The following PCDH11X variants were observed in gnomAD, a reference collection of about 807,000 sequenced individuals.
PCDH11X encodes protocadherin-11 X-linked.
A neutral mutation model predicts 53.3 loss-of-function variants in PCDH11X; 18 were observed. The observed-to-expected ratio is 0.34, with a 90% CI of 0.23 to 0.50. PCDH11X has a LOEUF of 0.50. Ranked by LOEUF, PCDH11X falls within the 20% of genes least tolerant of loss-of-function variation. The probability of loss-of-function intolerance (pLI) is 0.98; values close to 1 mark genes in which losing one functional copy is unlikely to be tolerated. For synonymous variants in PCDH11X, 279 were observed against 393.3 expected, an observed-to-expected ratio of 0.71 and a Z score of 3.44; for missense variants, 570 against 1,032.4, an observed-to-expected ratio of 0.55 and a Z score of 6.14.
At chrX:92,204,420 A>G (rs1445017604) in intron 7 of PCDH11X, among the ~76,000 whole-genome samples, 1 of 112,123 alleles carries the variant, frequency 8.9e-6, no homozygotes, top group Non-Finnish European at 1.9e-5. Flanking sequence ...TCTCTAGGGC[A>G]GGGGCAAAAT....
intron 6 of PCDH11X, among the ~76,000 whole-genome samples, chrX:92,177,409 G>A (rs2065927507): frequency 9.0e-6 from 1 of 111,718 alleles, no homozygotes; most frequent in Admixed American, 9.6e-5. Context: ...AGCAAATAGT[G>A]ATGTATTCTG....
At chrX:91,864,376 TTG>T (rs751742042) in intron 5 of PCDH11X, among the ~76,000 whole-genome samples, 70 of 94,409 alleles carry the variant, frequency 7.4e-4, no homozygotes, top group South Asian at 1.4e-3. Context: ...TGGAGCTCCA[TTG>T]TGTGTGTGTG....
chrX:92,198,821 A>T (rs1409380540), intron 6 of PCDH11X, among the ~76,000 whole-genome samples: 1 of 111,462 alleles, frequency 9.0e-6, no homozygotes, highest in Non-Finnish European at 1.9e-5. Context: ...ACTTCTGTGA[A>T]TTGGAATTTG....
At chrX:92,512,394 C>A (rs1223747679) in intron 10 of PCDH11X, among the ~76,000 whole-genome samples, 7 of 111,377 alleles carry the variant, frequency 6.3e-5, no homozygotes, top group Admixed American at 1.9e-4. Context: ...TATTTGGGGA[C>A]ATAATATAAT....
chrX:92,243,470 T>A (rs1202220342), intron 7 of PCDH11X, among the ~76,000 whole-genome samples: 1 of 111,143 alleles, frequency 9.0e-6, no homozygotes, highest in Non-Finnish European at 1.9e-5. Flanking sequence ...ATGTTTCTAT[T>A]CCCTTGTCAG....
rs1019284113 is a variant in PCDH11X at position 92,394,280 on chromosome X, A to G, written c.3343+6347A>G. On this transcript the variant is annotated intron_variant, in intron 9 of 10. Transcript: ENST00000682573. Reference sequence around the variant, plus strand: ...GTATCTTTAATATCTTAAATATAATATGGATTAGATAGAGGTTGATCACTC... The same window carrying G: ...GTATCTTTAATATCTTAAATATAATGTGGATTAGATAGAGGTTGATCACTC... Among the ~76,000 whole-genome samples the G allele has an allele frequency of 1.3e-4, 14 of 111,193 alleles. No individual in the cohort carries two copies. In the South Asian group the frequency reaches 1.5e-3, roughly 12 times the overall value.
At chrX:92,114,877 G>A (rs2064604474) in intron 6 of PCDH11X, among the ~76,000 whole-genome samples, 1 of 110,096 alleles carries the variant, frequency 9.1e-6, no homozygotes, top group Admixed American at 9.9e-5. Context: ...TGTCGTCCAG[G>A]CTGGAGTGCA....
At position 92,335,350 on chromosome X, in the gene PCDH11X, C is replaced by A. The variant is rs187452150; in HGVS notation, c.3145-52385C>A. On this transcript the variant is annotated intron_variant, in intron 8 of 10. Coordinates refer to ENST00000682573, the MANE Select transcript of PCDH11X (RefSeq NM_032968.5). ...TTGAGATTGCTTTTTTTATTTCATT[C>A]ATGTGTAAGTAGCTTCTAAAGTTTA... Among the ~76,000 whole-genome samples, 287 of 110,385 alleles carry A rather than the reference C, an allele frequency of 2.6e-3. 1 individual carries two copies. The highest frequency in any genetic ancestry group is 9.0e-3 in the African/African-American group (272 of 30,340).
chrX:92,299,627 GT>G (rs1347434350), intron 8 of PCDH11X, among the ~76,000 whole-genome samples: 1 of 111,324 alleles, frequency 9.0e-6, no homozygotes, highest in Non-Finnish European at 1.9e-5. Context: ...GTCTCTGCGG[GT>G]TTTTGTATTT....
intron 7 of PCDH11X, among the ~76,000 whole-genome samples, chrX:92,259,327 C>T (rs2067664378): frequency 1.8e-5 from 2 of 111,343 alleles, no homozygotes; most frequent in African/African-American, 6.5e-5. Context: ...AAAGGTTTAA[C>T]TGGCTCACAG....
chrX:92,575,932 T>C (rs1357654857), intron 10 of PCDH11X, among the ~76,000 whole-genome samples: 4 of 24,707 alleles, frequency 1.6e-4, no homozygotes, highest in East Asian at 1.3e-3. Flanking sequence ...TATATATATA[T>C]ATATATATAT....
chrX:92,065,120 C>T (rs1279838836), intron 6 of PCDH11X, among the ~76,000 whole-genome samples: 2 of 96,932 alleles, frequency 2.1e-5, no homozygotes, highest in Non-Finnish European at 3.9e-5. Context: ...GGGTAAACTA[C>T]AGGGGCTGAT....
chrX:91,885,043 G>A (rs777514879), intron 6 of PCDH11X, among the ~76,000 whole-genome samples: 8 of 110,762 alleles, frequency 7.2e-5, no homozygotes, highest in Admixed American at 1.9e-4. Context: ...CATTAACTCC[G>A]TACAGAATCC....
At chrX:91,905,102 TTA>T (rs1941104040) in intron 6 of PCDH11X, among the ~76,000 whole-genome samples, 1 of 56,203 alleles carries the variant, frequency 1.8e-5, no homozygotes, top group African/African-American at 6.3e-5. Context: ...TTTTTGTTTA[TTA>T]TTATTATTAT....
At chrX:92,082,410 G>A (rs1456957418) in intron 6 of PCDH11X, among the ~76,000 whole-genome samples, 3 of 110,809 alleles carry the variant, frequency 2.7e-5, no homozygotes, top group African/African-American at 6.5e-5. Flanking sequence ...GAATGTCACC[G>A]AAATGAAGTG....
chrX:92,344,349 AT>A (rs2069838293), intron 8 of PCDH11X, among the ~76,000 whole-genome samples: 1 of 108,610 alleles, frequency 9.2e-6, no homozygotes, highest in Non-Finnish European at 1.9e-5. Context: ...TTATAAGCTA[AT>A]TAACAATGTG....
chrX:92,496,883 A>T (rs193079424), intron 10 of PCDH11X, among the ~76,000 whole-genome samples: 1 of 108,223 alleles, frequency 9.2e-6, no homozygotes, highest in East Asian at 2.9e-4. Context: ...GTTAGTTCTC[A>T]GTCATTAGCT....
chrX:91,857,121 A>C (rs919254212), intron 5 of PCDH11X, among the ~76,000 whole-genome samples: 1 of 111,610 alleles, frequency 9.0e-6, no homozygotes, highest in Non-Finnish European at 1.9e-5. Flanking sequence ...GAGAGGCCTC[A>C]CAATCATGGC....
At chrX:92,539,451 T>C (rs1249744029) in intron 10 of PCDH11X, among the ~76,000 whole-genome samples, 1 of 111,521 alleles carries the variant, frequency 9.0e-6, no homozygotes, top group Non-Finnish European at 1.9e-5. Context: ...TTTTAAATTA[T>C]TTCAATCTCT....
Sources: gnomAD v4.1 joint callset for allele counts (sites outside exome capture counted in the v4.1 genomes callset) on GRCh38, gnomAD v4.1.1 for gene constraint, MANE v1.5 for transcripts, NCBI Gene and HGNC (gene_info 2026-07-23, HGNC 2026-07-21) for gene names.